The following CERS6 variants were observed in gnomAD, a reference collection of about 807,000 sequenced individuals.
CERS6 encodes the protein ceramide synthase 6.
A neutral mutation model predicts 56.8 loss-of-function variants in CERS6; 26 were observed. That is an observed-to-expected ratio of 0.46 (90% CI 0.34 to 0.63). CERS6 has a LOEUF of 0.63. Among genes scored for constraint, CERS6 ranks in the 30% least tolerant of loss-of-function variants. The probability of loss-of-function intolerance (pLI) is 0.01; values close to 1 mark genes in which losing one functional copy is unlikely to be tolerated. For missense variants in CERS6, 415 were observed against 467.5 expected, an observed-to-expected ratio of 0.89 and a Z score of 1.04; for synonymous variants, 164 against 173.3, an observed-to-expected ratio of 0.95 and a Z score of 0.42.
intron 1 of CERS6, among the ~76,000 whole-genome samples, chr2:168,519,631 C>T (rs532314152): frequency 6.6e-6 from 1 of 152,246 alleles, no homozygotes; most frequent in African/African-American, 2.4e-5. Context: ...TGAGAACATG[C>T]AGTATTTGGT....
chr2:168,718,784 G>A (rs147906248), intron 8 of CERS6, among the ~76,000 whole-genome samples: 4 of 152,234 alleles, frequency 2.6e-5, no homozygotes, highest in East Asian at 3.9e-4. Context: ...CTGTTAGATC[G>A]TCATGCCTGC....
intron 3 of CERS6, among the ~76,000 whole-genome samples, chr2:168,585,420 G>C (rs1236612832): frequency 6.6e-6 from 1 of 152,236 alleles, no homozygotes; most frequent in East Asian, 1.9e-4. Context: ...TCCCTGAAAA[G>C]TATGGTCTAA....
intron 3 of CERS6, among the ~76,000 whole-genome samples, chr2:168,580,633 C>T (rs1683386980): frequency 6.6e-6 from 1 of 151,980 alleles, no homozygotes; most frequent in African/African-American, 2.4e-5. Context: ...CATTTTTGTA[C>T]CCAGACCTTC....
At chr2:168,476,179 A>G (rs959637286) in intron 1 of CERS6, among the ~76,000 whole-genome samples, 4 of 151,718 alleles carry the variant, frequency 2.6e-5, no homozygotes, top group African/African-American at 7.3e-5. Context: ...GCTTCCAGCC[A>G]GTACATTAAT....
At chr2:168,604,833 G>T (rs986552191) in intron 3 of CERS6, among the ~76,000 whole-genome samples, 3 of 152,178 alleles carry the variant, frequency 2.0e-5, no homozygotes, top group African/African-American at 7.2e-5. Context: ...AGAACCATGA[G>T]CCAATTAAAC....
intron 3 of CERS6, among the ~76,000 whole-genome samples, chr2:168,610,537 T>G (rs1423722847): frequency 6.6e-6 from 1 of 152,228 alleles, no homozygotes; most frequent in Non-Finnish European, 1.5e-5. Flanking sequence ...TGGTAGATAT[T>G]TTCCAAACGG....
At chr2:168,719,123 C>T (rs1687298148) in intron 8 of CERS6, among the ~76,000 whole-genome samples, 1 of 152,186 alleles carries the variant, frequency 6.6e-6, no homozygotes, top group South Asian at 2.1e-4. Flanking sequence ...TGGTCATTTG[C>T]TGCATTACCA....
intron 3 of CERS6, among the ~76,000 whole-genome samples, chr2:168,573,390 A>G (rs1294435177): frequency 6.6e-6 from 1 of 152,200 alleles, no homozygotes; most frequent in Non-Finnish European, 1.5e-5. Flanking sequence ...TGGTCAATGT[A>G]GAGAGCTTCT....
At chr2:168,531,780 C>G (rs1486682491) in intron 1 of CERS6, among the ~76,000 whole-genome samples, 1 of 150,556 alleles carries the variant, frequency 6.6e-6, no homozygotes, top group Non-Finnish European at 1.5e-5. Context: ...AGGATCGCTC[C>G]ACTGCACTCC....
chr2:168,585,827 C>G (rs1189719216), intron 3 of CERS6, among the ~76,000 whole-genome samples: 1 of 152,222 alleles, frequency 6.6e-6, no homozygotes, highest in Non-Finnish European at 1.5e-5. Context: ...TGGGCCACGT[C>G]TCCCTGTGTG....
chr2:168,526,834 T>C (rs1695080607), intron 1 of CERS6, among the ~76,000 whole-genome samples: 1 of 152,234 alleles, frequency 6.6e-6, no homozygotes, highest in South Asian at 2.1e-4. Flanking sequence ...AGTATCTCTT[T>C]AGTTTCTTAT....
chr2:168,760,641 A>G (rs1219951542), intron 8 of CERS6, among the ~76,000 whole-genome samples: 3 of 152,230 alleles, frequency 2.0e-5, no homozygotes, highest in Non-Finnish European at 4.4e-5. Flanking sequence ...ATAAGATTCT[A>G]TAGTCACCAT....
At chr2:168,742,167 T>G (rs1683931075) in intron 8 of CERS6, among the ~76,000 whole-genome samples, 2 of 152,272 alleles carry the variant, frequency 1.3e-5, no homozygotes, top group Admixed American at 6.5e-5. Context: ...TAAAGTCACT[T>G]TGTATTAGTC....
At chr2:168,565,900 T>C (rs531725960) in intron 3 of CERS6, among the ~76,000 whole-genome samples, 3 of 152,326 alleles carry the variant, frequency 2.0e-5, no homozygotes, top group Non-Finnish European at 4.4e-5. Context: ...AAGCAACTGG[T>C]TCCGAATGGA....
intron 8 of CERS6, among the ~76,000 whole-genome samples, chr2:168,734,763 A>G (rs1038961393): frequency 2.5e-4 from 38 of 152,248 alleles, no homozygotes; most frequent in Non-Finnish European, 1.2e-4. Flanking sequence ...AACTAGGTTT[A>G]TATTTAGTGC....
chr2:168,628,171 C>T (rs577886920), intron 3 of CERS6, among the ~76,000 whole-genome samples: 22 of 152,292 alleles, frequency 1.4e-4, no homozygotes, highest in Non-Finnish European at 2.1e-4. Flanking sequence ...TCCTTTGAAT[C>T]TTTAACATGC....
chr2:168,533,743 A>G (rs1263297618), intron 1 of CERS6, among the ~76,000 whole-genome samples: 1 of 151,850 alleles, frequency 6.6e-6, no homozygotes, highest in Non-Finnish European at 1.5e-5. Flanking sequence ...GTATTTCCTG[A>G]ATTTGCATGT....
intron 3 of CERS6, among the ~76,000 whole-genome samples, chr2:168,623,599 T>G (rs1293739580): frequency 1.3e-5 from 2 of 152,214 alleles, no homozygotes; most frequent in South Asian, 4.1e-4. Context: ...TTAGACTTAT[T>G]AAATACAAAA....
chr2:168,608,543 A>G (rs1559018698), intron 3 of CERS6, among the ~76,000 whole-genome samples: 1 of 152,242 alleles, frequency 6.6e-6, no homozygotes, highest in African/African-American at 2.4e-5. Context: ...CCTCAAAAAC[A>G]TTGCTATTAT....
Sources: gnomAD v4.1 joint callset for allele counts (sites outside exome capture counted in the v4.1 genomes callset) on GRCh38, gnomAD v4.1.1 for gene constraint, MANE v1.5 for transcripts, NCBI Gene and HGNC (gene_info 2026-07-23, HGNC 2026-07-21) for gene names.